Variants in PLCB4 observed in about 807,000 individuals in gnomAD.
PLCB4 encodes 1-phosphatidylinositol 4,5-bisphosphate phosphodiesterase beta-4.
PLCB4 carries 77 observed loss-of-function variants against 178.8 expected under a neutral mutation model. The ratio of observed to expected loss-of-function variants is 0.43; its 90% confidence interval spans 0.36 to 0.52. The LOEUF (loss-of-function observed/expected upper bound fraction) is 0.52, where lower values mean the gene tolerates loss of function less well. Among genes scored for constraint, PLCB4 ranks in the 20% least tolerant of loss-of-function variants. The pLI, the probability that PLCB4 is intolerant of heterozygous loss-of-function variation, is 0.00. For missense variants in PLCB4, 1,024 were observed against 1,453.4 expected (o/e 0.70, Z 4.80); for synonymous variants, 496 against 490.8 (o/e 1.01, Z -0.14).
chr20:9,310,718 TA>T (rs946799356), intron 4 of PLCB4, among the ~76,000 whole-genome samples: 3 of 149,398 alleles, frequency 2.0e-5, no homozygotes, highest in Admixed American at 6.7e-5. Context: ...TCTCAAAAAA[TA>T]AAAAAAAATA....
intron 2 of PLCB4, among the ~76,000 whole-genome samples, chr20:9,190,224 A>G (rs1028243967): frequency 2.6e-5 from 4 of 152,196 alleles, no homozygotes; most frequent in Middle Eastern, 6.8e-3. Flanking sequence ...GGCTGGCGAT[A>G]TGGTTTGGCT....
intron 7 of PLCB4, among the ~76,000 whole-genome samples, chr20:9,353,853 G>T (rs1196560381): frequency 1.3e-5 from 2 of 152,154 alleles, no homozygotes; most frequent in Non-Finnish European, 2.9e-5. Context: ...TTAAGAAGTA[G>T]ACCTCTGTCT....
rs370462987 is a variant in PLCB4, at chr20:9,478,872, T to C, written c.3533-49T>C. The C allele has an allele frequency of 1.5e-4, 207 of 1,417,882 alleles. 1 individual carries two copies. In the African/African-American group the frequency reaches 2.4e-3, roughly 17 times the overall value. 87.8% of individuals were successfully genotyped at this position (1,417,882 alleles called of 1,614,324 possible). A position where few individuals can be genotyped will look rare whatever the true frequency, so the allele number is the denominator to read the frequency against. On this transcript the variant is annotated intron_variant, in intron 39 of 39. Transcript: ENST00000378473. ...AGAGAGGCCAGGGTTGTTAAGTGCCTTCAGATAAGGATTTCAACACACGTA... is the reference window on the plus strand; with the variant it reads ...AGAGAGGCCAGGGTTGTTAAGTGCCCTCAGATAAGGATTTCAACACACGTA...
chr20:9,384,263 C>G lies in PLCB4; in HGVS notation c.916C>G (p.Leu306Val). 6.2e-7 allele frequency: 1 copy of G among 1,614,140 alleles called. No homozygotes were observed. The highest frequency in any genetic ancestry group is 1.7e-5 in the Admixed American group (1 of 60,024). ...LMSDENAPVFLDRLELYQEMD... is the reference protein window; with the variant it reads ...LMSDENAPVFVDRLELYQEMD... ...GTCAGATGAAAACGCCCCAGTCTTC[C>G]TAGATCGTTTAGAACTTTACCAAGA... Residue 306 changes from leucine to valine, a missense_variant, in exon 14 of 40, where the codon CTA (leucine) becomes GTA (valine). By Grantham distance (32) the Leu-to-Val change is conservative. Transcript: ENST00000378473.
intron 2 of PLCB4, among the ~76,000 whole-genome samples, chr20:9,165,462 A>G (rs920358290): frequency 1.3e-5 from 2 of 152,172 alleles, no homozygotes; most frequent in African/African-American, 4.8e-5. Context: ...AAAATTGGCA[A>G]ATGAAATCTG....
intron 22 of PLCB4, 23 bp downstream of exon 22, chr20:9,408,081 GT>G (rs1304311925): frequency 5.7e-6 from 9 of 1,584,418 alleles, no homozygotes; most frequent in Middle Eastern, 1.7e-4. Flanking sequence ...GTTAAATGCA[GT>G]CGCCTTTTTT....
intron 2 of PLCB4, among the ~76,000 whole-genome samples, chr20:9,188,297 C>T (rs2147124039): frequency 6.6e-6 from 1 of 152,284 alleles, no homozygotes; most frequent in Non-Finnish European, 1.5e-5. Flanking sequence ...CTATAGGTAA[C>T]AATGGGAAGA....
chr20:9,280,429 G>C (rs773176350), intron 3 of PLCB4: 2 of 983,170 alleles, frequency 2.0e-6, no homozygotes, highest in Non-Finnish European at 2.4e-6. Flanking sequence ...TCTCCACTTC[G>C]ATCTGAAAGA....
At chr20:9,109,201 G>T (rs920069689) in intron 2 of PLCB4, among the ~76,000 whole-genome samples, 5 of 152,128 alleles carry the variant, frequency 3.3e-5, no homozygotes, top group African/African-American at 7.2e-5. Context: ...TTATAAAATG[G>T]TGTGGCTATA....
intron 3 of PLCB4, among the ~76,000 whole-genome samples, chr20:9,299,182 T>C (rs535960211): frequency 3.3e-5 from 5 of 152,064 alleles, no homozygotes; most frequent in Admixed American, 6.6e-5. Flanking sequence ...TATGTATTTA[T>C]CTCTTCCTGT....
At chr20:9,322,124 T>TC (rs1166866550) in intron 4 of PLCB4, among the ~76,000 whole-genome samples, 1 of 144,926 alleles carries the variant, frequency 6.9e-6, no homozygotes, top group Admixed American at 6.9e-5. Context: ...GTAATTTTTT[T>TC]TTTTTTTTTT....
At chr20:9,123,333 C>G (rs2092019214) in intron 2 of PLCB4, among the ~76,000 whole-genome samples, 1 of 151,704 alleles carries the variant, frequency 6.6e-6, no homozygotes, top group Non-Finnish European at 1.5e-5. Context: ...AGTAACATTT[C>G]ACATTTTTTC....
At chr20:9,454,117 G>T (rs952212353) in intron 33 of PLCB4, among the ~76,000 whole-genome samples, 7 of 152,218 alleles carry the variant, frequency 4.6e-5, no homozygotes, top group African/African-American at 1.7e-4. Flanking sequence ...GAGCTGGTCA[G>T]TTGTTTTGTA....
At position 9,300,964 on chromosome 20, in the gene PLCB4, T is replaced by C. The variant is rs1601702108; in HGVS notation, c.-15-6836T>C. Among the ~76,000 whole-genome samples, 3 of 151,974 alleles carry C rather than the reference T, an allele frequency of 2.0e-5. No individual in the cohort carries two copies. In the East Asian group the frequency reaches 5.8e-4, roughly 30 times the overall value. On this transcript the variant is annotated intron_variant, in intron 3 of 39. Transcript: ENST00000378473. ...ACATCAAGGTATTTTCAGGGCCACA[T>C]TTCCTCCAGGCTGTGGGGAAGAACC...
chr20:9,213,128 C>CTTTTTTTTTTTTTT (rs56785951), intron 2 of PLCB4, among the ~76,000 whole-genome samples: 6 of 35,728 alleles, frequency 1.7e-4, no homozygotes, highest in African/African-American at 7.4e-4. Context: ...CGTTAGCATA[C>CTTTTTTTTTTTTTT]TTTTTTTTTT....
intron 15 of PLCB4, 55 bp downstream of exon 15, chr20:9,387,611 A>T (rs1360093464): frequency 1.3e-6 from 1 of 779,222 alleles, no homozygotes; most frequent in Non-Finnish European, 2.2e-6. Flanking sequence ...AATGCAGGAA[A>T]TAGGGAGATG....
At chr20:9,397,417 C>A (rs933215570) in intron 19 of PLCB4, among the ~76,000 whole-genome samples, 1 of 152,146 alleles carries the variant, frequency 6.6e-6, no homozygotes, top group Non-Finnish European at 1.5e-5. Context: ...CTCCTATGAA[C>A]GTTGATATTT....
intron 28 of PLCB4, among the ~76,000 whole-genome samples, chr20:9,429,156 C>A (rs1240505944): frequency 1.3e-5 from 2 of 152,140 alleles, no homozygotes; most frequent in Non-Finnish European, 2.9e-5. Context: ...AGACTGGTTT[C>A]TTTTAAAAAG....
At chr20:9,311,517 C>T (rs2094833788) in intron 4 of PLCB4, among the ~76,000 whole-genome samples, 1 of 152,168 alleles carries the variant, frequency 6.6e-6, no homozygotes, top group Non-Finnish European at 1.5e-5. Flanking sequence ...TCCCTCTCCT[C>T]CATCAAGATT....
Sources: gnomAD v4.1 joint callset for allele counts (sites outside exome capture counted in the v4.1 genomes callset) on GRCh38, gnomAD v4.1.1 for gene constraint, MANE v1.5 for transcripts, NCBI Gene and HGNC (gene_info 2026-07-23, HGNC 2026-07-21) for gene names.